Variants in RERE observed in about 807,000 individuals in gnomAD.
RERE encodes arginine-glutamic acid dipeptide repeats.
RERE carries 40 observed loss-of-function variants against 146.1 expected under a neutral mutation model. The observed-to-expected ratio is 0.27, with a 90% CI of 0.21 to 0.36. The LOEUF is 0.36. Among genes scored for constraint, RERE ranks in the 10% least tolerant of loss-of-function variants. The probability of loss-of-function intolerance (pLI) is 1.00; values close to 1 mark genes in which losing one functional copy is unlikely to be tolerated. For missense variants in RERE, 1,933 were observed against 2,138.7 expected, an observed-to-expected ratio of 0.90 and a Z score of 1.90; for synonymous variants, 1,003 against 866.0, an observed-to-expected ratio of 1.16 and a Z score of -2.78.
chr1:8,660,467 G>A (rs1211297181), intron 1 of RERE, among the ~76,000 whole-genome samples: 1 of 152,224 alleles, frequency 6.6e-6, no homozygotes, highest in South Asian at 2.1e-4. Context: ...AACTCATGAA[G>A]TGAACTGGAC....
At chr1:8,492,434 AAGC>A (rs528582978) in intron 10 of RERE, among the ~76,000 whole-genome samples, 32 of 152,342 alleles carry the variant, frequency 2.1e-4, no homozygotes, top group African/African-American at 7.2e-4. Flanking sequence ...ACAGTTATGA[AAGC>A]AGGATTTTTT....
intron 1 of RERE, among the ~76,000 whole-genome samples, chr1:8,815,802 G>A (rs1303219978): frequency 6.6e-6 from 1 of 151,714 alleles, no homozygotes; most frequent in Non-Finnish European, 1.5e-5. Flanking sequence ...TGTGTGTATG[G>A]AAGAACAATG....
intron 1 of RERE, chr1:8,787,006 C>A: frequency 1.7e-6 from 1 of 586,162 alleles, no homozygotes; most frequent in South Asian, 2.0e-5. Context: ...AGACAGAGAT[C>A]AGATTCTGTC....
chr1:8,624,444 A>G, intron 2 of RERE, 64 bp from the exon 3 acceptor site: 1 of 986,484 alleles, frequency 1.0e-6, no homozygotes, highest in South Asian at 1.3e-5. Flanking sequence ...GACAGGGCCC[A>G]TAAAGCCACT....
chr1:8,459,247 C>T (rs1253042899), intron 11 of RERE, among the ~76,000 whole-genome samples: 1 of 152,144 alleles, frequency 6.6e-6, no homozygotes, highest in Non-Finnish European at 1.5e-5. Context: ...ATATTAAGGG[C>T]TAATTCTCAC....
intron 12 of RERE, among the ~76,000 whole-genome samples, chr1:8,375,653 C>CTTCCTCGCTCAGCAGCCACTGAAAATGT (rs1642216102): frequency 7.4e-6 from 1 of 135,552 alleles, no homozygotes; most frequent in Non-Finnish European, 1.6e-5. Flanking sequence ...ACTGAAAATG[C>CTTCCTCGCTCAGCAGCCACTGAAAATGT]TTCCTCACTC....
intron 12 of RERE, among the ~76,000 whole-genome samples, chr1:8,410,426 C>G (rs1195171863): frequency 1.3e-5 from 2 of 152,084 alleles, no homozygotes; most frequent in African/African-American, 2.4e-5. Flanking sequence ...ATGAGGAAGA[C>G]GTTATGGCAA....
intron 1 of RERE, among the ~76,000 whole-genome samples, chr1:8,782,194 A>G (rs1641177335): frequency 6.6e-6 from 1 of 152,114 alleles, no homozygotes; most frequent in Admixed American, 6.6e-5. Context: ...GCTAAATCCA[A>G]TGATCAGTTC....
At chr1:8,695,256 C>A (rs1331122150) in intron 1 of RERE, among the ~76,000 whole-genome samples, 1 of 152,098 alleles carries the variant, frequency 6.6e-6, no homozygotes, top group Non-Finnish European at 1.5e-5. Flanking sequence ...CATATATAAA[C>A]ATCAACTCAA....
At chr1:8,747,733 T>C (rs2124511905) in intron 1 of RERE, among the ~76,000 whole-genome samples, 1 of 152,238 alleles carries the variant, frequency 6.6e-6, no homozygotes, top group African/African-American at 2.4e-5. Context: ...CATTATCTCA[T>C]TAATATTATT....
chr1:8,547,064 C>A (rs185739026), intron 6 of RERE, among the ~76,000 whole-genome samples: 20 of 126,402 alleles, frequency 1.6e-4, no homozygotes, highest in African/African-American at 5.7e-4. Context: ...AATCCCAGTA[C>A]AAATACCAAC....
intron 7 of RERE, chr1:8,526,140 G>T: frequency 1.1e-6 from 1 of 919,094 alleles, no homozygotes; most frequent in Non-Finnish European, 1.3e-6. Context: ...TTAGAAAGGG[G>T]ATCCAAGACA....
chr1:8,691,140 C>T (rs1056066204), intron 1 of RERE, among the ~76,000 whole-genome samples: 2 of 152,122 alleles, frequency 1.3e-5, no homozygotes, highest in Admixed American at 1.3e-4. Context: ...TTGTGATCTG[C>T]CCGCCTCCAC....
At chr1:8,738,656 T>TA (rs1446436685) in intron 1 of RERE, among the ~76,000 whole-genome samples, 1 of 152,176 alleles carries the variant, frequency 6.6e-6, no homozygotes, top group African/African-American at 2.4e-5. Flanking sequence ...ACTAAGGACT[T>TA]ACGTGCCAGA....
At chr1:8,553,141 AAGT>A (rs1645958147) in intron 6 of RERE, among the ~76,000 whole-genome samples, 1 of 149,012 alleles carries the variant, frequency 6.7e-6, no homozygotes, top group Non-Finnish European at 1.5e-5. Flanking sequence ...GACACCACAC[AAGT>A]AGGCCAGTGC....
intron 12 of RERE, among the ~76,000 whole-genome samples, chr1:8,371,547 C>T (rs3795310): frequency 0.53 from 80,858 of 152,002 alleles, 23,583 homozygotes; most frequent in African/African-American, 0.76. Context: ...CTGGGCCTAG[C>T]GGAGGGACAG....
chr1:8,487,910 GT>G (rs1644924248), intron 10 of RERE, among the ~76,000 whole-genome samples: 1 of 152,054 alleles, frequency 6.6e-6, no homozygotes, highest in Non-Finnish European at 1.5e-5. Context: ...TTAACAAAAT[GT>G]TGTAAGATCT....
At chr1:8,567,168 G>A (rs1646163259) in intron 4 of RERE, among the ~76,000 whole-genome samples, 1 of 152,130 alleles carries the variant, frequency 6.6e-6, no homozygotes. Context: ...CATCTGACTA[G>A]GCTGCTTACT....
rs998681399 is a variant in RERE, at chr1:8,423,057, G to T, written c.1204-250C>A. ...AGCGCGTTTAAGAGAAGGACGTCCT[G>T]CGTCTGAGGCTAAGAAGCAATCTGT... On this transcript the variant is annotated intron_variant, in intron 11 of 22. Coordinates refer to ENST00000400908, the MANE Select transcript of RERE (RefSeq NM_001042681.2). The surrounding 1 kb of genome is among the most constrained non-coding windows in gnomAD (Gnocchi z 5.4). 10 of 470,190 alleles carry T rather than the reference G, an allele frequency of 2.1e-5. No homozygotes were observed. The highest frequency in any genetic ancestry group is 3.5e-5 in the Non-Finnish European group (9 of 255,608). 29.1% of individuals were successfully genotyped at this position (470,190 alleles called of 1,614,324 possible). A position where few individuals can be genotyped will look rare whatever the true frequency, so the allele number is the denominator to read the frequency against.
Sources: gnomAD v4.1 joint callset for allele counts (sites outside exome capture counted in the v4.1 genomes callset) on GRCh38, gnomAD v4.1.1 for gene constraint, Gnocchi (gnomAD v3.1) non-coding constraint, MANE v1.5 for transcripts, NCBI Gene and HGNC (gene_info 2026-07-23, HGNC 2026-07-21) for gene names.